USPL1: variants seen among roughly 807,000 people sequenced by gnomAD.
USPL1 encodes ubiquitin specific peptidase like 1, also known as SUMO-specific isopeptidase USPL1.
Under a neutral mutation model 51.5 loss-of-function variants are expected in USPL1, and 27 were observed. The observed-to-expected ratio is 0.52, with a 90% CI of 0.39 to 0.72. The LOEUF (loss-of-function observed/expected upper bound fraction) is 0.72, where lower values mean the gene tolerates loss of function less well. Ranked by LOEUF, USPL1 falls within the 30% of genes least tolerant of loss-of-function variation. The pLI is 0.00. For synonymous variants in USPL1, 451 were observed against 459.6 expected, an observed-to-expected ratio of 0.98 and a Z score of 0.24; for missense variants, 1,226 against 1,268.0, an observed-to-expected ratio of 0.97 and a Z score of 0.50.
At chr13:30,633,045 C>A (rs1473415141) in intron 4 of USPL1, among the ~76,000 whole-genome samples, 1 of 152,130 alleles carries the variant, frequency 6.6e-6, no homozygotes, top group African/African-American at 2.4e-5. Context: ...TTTCATCATT[C>A]CATCTTTTCT....
chr13:30,628,798 T>A (rs755419213), intron 3 of USPL1, among the ~76,000 whole-genome samples: 8 of 152,202 alleles, frequency 5.3e-5, no homozygotes, highest in Non-Finnish European at 1.5e-5. Context: ...TATCTGCAGA[T>A]GTTTGAGTTG....
chr13:30,628,563 G>A (rs542998648), intron 3 of USPL1, among the ~76,000 whole-genome samples: 9 of 152,114 alleles, frequency 5.9e-5, no homozygotes, highest in African/African-American at 2.2e-4. Context: ...GACAGGCCCC[G>A]GTGTGTGATG....
chr13:30,619,756 ACATAGTTCTCT>A (rs1950624525), intron 1 of USPL1, among the ~76,000 whole-genome samples: 1 of 152,202 alleles, frequency 6.6e-6, no homozygotes, highest in African/African-American at 2.4e-5. Context: ...TTTGACTCCT[ACATAGTTCTCT>A]TTTGTAAGTA....
At chr13:30,633,562 A>G (rs1431780734) in intron 4 of USPL1, among the ~76,000 whole-genome samples, 1 of 151,998 alleles carries the variant, frequency 6.6e-6, no homozygotes, top group Non-Finnish European at 1.5e-5. Context: ...CATGAGGTCA[A>G]GAGTTCGAGA....
intron 1 of USPL1, among the ~76,000 whole-genome samples, chr13:30,618,374 C>G (rs1950598250): frequency 6.6e-6 from 1 of 152,096 alleles, no homozygotes; most frequent in African/African-American, 2.4e-5. Context: ...TCCTGTTCGT[C>G]TCTGATTCAA....
rs1156807687 is a variant in USPL1, at chr13:30,618,012, G to T, written c.-113G>T. ...TAGGGTGGAGATCAAGCTGGAACAG[G>T]AGTTCCGATCGACCCGGTACCAAGA... On this transcript the variant is annotated 5_prime_UTR_variant, in exon 1 of 9. Transcript: ENST00000255304. 1.3e-5 allele frequency: 2 copies of T among 152,330 alleles called. No individual in the cohort carries two copies. The highest frequency in any genetic ancestry group is 4.8e-5 in the African/African-American group (2 of 41,460). The allele number at this position is 152,330 out of a possible 1,614,324, so 9.4% of individuals were successfully genotyped here. A position where few individuals can be genotyped will look rare whatever the true frequency, so the allele number is the denominator to read the frequency against.
At position 30,618,046 on chromosome 13, in the gene USPL1, G is replaced by GC. The variant is rs1950591709; in HGVS notation, c.-76dup. On this transcript the variant is annotated 5_prime_UTR_variant, in exon 1 of 9. Transcript: ENST00000255304. ...TCGACCCGGTACCAAGAAGGGGAGT[G>GC]CCCGCGGCAGGTAAGGGAGAAGAGG... 1 of 152,444 alleles carries GC rather than the reference G, an allele frequency of 6.6e-6. No individual in the cohort carries two copies. Among genetic ancestry groups the GC allele is most frequent in the South Asian group, 2.1e-4 (1 of 4,838 alleles). The allele number at this position is 152,444 out of a possible 1,614,324, so 9.4% of individuals were successfully genotyped here. A position where few individuals can be genotyped will look rare whatever the true frequency, so the allele number is the denominator to read the frequency against.
intron 7 of USPL1, 129 bp downstream of exon 7, chr13:30,647,186 G>T: frequency 9.2e-7 from 1 of 1,088,408 alleles, no homozygotes; most frequent in Non-Finnish European, 1.3e-6. Flanking sequence ...ATATTTCTGG[G>T]TTGCCAGCTG....
chr13:30,653,383 G>C, intron 8 of USPL1, 78 bp downstream of exon 8: 1 of 1,407,780 alleles, frequency 7.1e-7, no homozygotes, highest in Non-Finnish European at 9.4e-7. Flanking sequence ...TTTGGTTTTT[G>C]TTTTATAAAA....
chr13:30,657,067 G>A (rs1479305679), intron 8 of USPL1, among the ~76,000 whole-genome samples: 1 of 152,164 alleles, frequency 6.6e-6, no homozygotes, highest in Non-Finnish European at 1.5e-5. Context: ...GTATTTGGTA[G>A]TGCATCCTAC....
rs1416922784 is a variant in USPL1 at position 30,658,235 on chromosome 13, T to C, written c.2158T>C (p.Ser720Pro). The C allele has an allele frequency of 6.2e-7, 1 of 1,612,536 alleles. No homozygotes were observed. Among genetic ancestry groups the C allele is most frequent in the Admixed American group, 1.7e-5 (1 of 59,664 alleles). ...ACAATTAAAACCAGAACGTGTCACA[T>C]CTCAGGTATCTAATTTGAAGAAAAA... ...TEQLKPERVT[S>P]QVSNLKKKET... The change falls in exon 9 of 9, where the codon TCT becomes CCT. Residue 720 changes from serine to proline, a missense_variant. Coordinates refer to ENST00000255304, the MANE Select transcript of USPL1 (RefSeq NM_005800.5).
chr13:30,625,441 T>G (rs1166366920), intron 3 of USPL1, among the ~76,000 whole-genome samples: 1 of 149,328 alleles, frequency 6.7e-6, no homozygotes, highest in African/African-American at 2.5e-5. Flanking sequence ...TTTTTTGTTT[T>G]TTGTTTTTTT....
chr13:30,652,877 G>A (rs1951108039), intron 7 of USPL1, among the ~76,000 whole-genome samples: 1 of 152,184 alleles, frequency 6.6e-6, no homozygotes, highest in Admixed American at 6.5e-5. Context: ...TGCTTACAGA[G>A]CAATTTTTGT....
At chr13:30,653,831 T>G (rs570929779) in intron 8 of USPL1, among the ~76,000 whole-genome samples, 2 of 152,350 alleles carry the variant, frequency 1.3e-5, no homozygotes, top group Non-Finnish European at 2.9e-5. Flanking sequence ...AATATTGAGT[T>G]TGTTTTTCTC....
intron 4 of USPL1, among the ~76,000 whole-genome samples, chr13:30,633,278 A>C (rs1017124555): frequency 2.0e-5 from 3 of 152,208 alleles, no homozygotes; most frequent in Non-Finnish European, 4.4e-5. Flanking sequence ...ATGCCTAATT[A>C]TAAAACTTGA....
At position 30,657,911 on chromosome 13, in the gene USPL1, C is replaced by A. The variant is rs748023553; in HGVS notation, c.1834C>A (p.Pro612Thr). ...TGAAGCTTTCCTGTTAGAAAATAAA[C>A]CTGTAGCAGAAAATACAGGAATTCT... is the stretch of plus-strand genomic sequence containing the variant. ...NSEAFLLENK[P>T]VAENTGILKT... is the part of the protein sequence containing the mutation. The change falls in exon 9 of 9, where the codon CCT becomes ACT. Residue 612 changes from proline to threonine, a missense_variant. Pro to Thr is a conservative substitution (Grantham distance 38). Transcript: ENST00000255304. 1.7e-5 allele frequency: 27 copies of A among 1,613,922 alleles called. No homozygotes were observed. In the South Asian group the frequency reaches 2.9e-4, roughly 17 times the overall value.
chr13:30,639,242 A>ATG (rs1491413636), intron 5 of USPL1, among the ~76,000 whole-genome samples: 6 of 131,654 alleles, frequency 4.6e-5, no homozygotes, highest in Admixed American at 3.0e-4. Context: ...ATATATATAT[A>ATG]TATGTGTGTA....
At chr13:30,642,585 C>T (rs201258420) in intron 5 of USPL1, 43 bp from the exon 6 acceptor site, 1 of 1,584,974 alleles carries the variant, frequency 6.3e-7, no homozygotes, top group African/African-American at 1.4e-5. Flanking sequence ...TAGTTTTTGC[C>T]ATTATTGATT....
chr13:30,638,111 G>A (rs112426000), intron 5 of USPL1, among the ~76,000 whole-genome samples: 1 of 152,112 alleles, frequency 6.6e-6, no homozygotes, highest in Non-Finnish European at 1.5e-5. Context: ...ATTTTAGGGG[G>A]CATATCATTA....
Sources: allele counts gnomAD v4.1 joint callset (sites outside exome capture counted in the v4.1 genomes callset), GRCh38; gene constraint gnomAD v4.1.1; transcripts MANE v1.5; gene names NCBI Gene and HGNC (gene_info 2026-07-23, HGNC 2026-07-21).